WNT5B: variants seen among roughly 807,000 people sequenced by gnomAD.
WNT5B encodes Wnt family member 5B, also known as protein Wnt-5b.
WNT5B carries 18 observed loss-of-function variants against 36.5 expected under a neutral mutation model. The ratio of observed to expected loss-of-function variants is 0.49; its 90% confidence interval spans 0.34 to 0.73. The LOEUF (loss-of-function observed/expected upper bound fraction) is 0.73, where lower values mean the gene tolerates loss of function less well. WNT5B is among the 30% of genes least tolerant of loss of function. The pLI is 0.01. For missense variants in WNT5B, 424 were observed against 508.4 expected (o/e 0.83, Z 1.60); for synonymous variants, 213 against 212.3 (o/e 1.00, Z -0.03).
At chr12:1,645,238 T>G (rs748807631) in intron 4 of WNT5B, among the ~76,000 whole-genome samples, 32 of 152,162 alleles carry the variant, frequency 2.1e-4, no homozygotes, top group Non-Finnish European at 4.3e-4. Flanking sequence ...TTATTTTGTT[T>G]TGTTTTGCTT....
upstream of WNT5B, among the ~76,000 whole-genome samples, chr12:1,628,507 A>G (rs937697502): frequency 1.3e-5 from 2 of 152,146 alleles, no homozygotes; most frequent in Non-Finnish European, 2.9e-5. Flanking sequence ...ACCCTGGGGA[A>G]ATCTGTAGTT....
At chr12:1,631,024 A>G (rs2154439549) in intron 1 of WNT5B, 1 of 199,790 alleles carries the variant, frequency 5.0e-6, no homozygotes, top group East Asian at 1.1e-4. Context: ...CGCTCTTGAA[A>G]TTACTTGTTT....
At chr12:1,640,051 G>T in intron 4 of WNT5B, 75 bp downstream of exon 4, 1 of 1,506,450 alleles carries the variant, frequency 6.6e-7, no homozygotes. Flanking sequence ...ACCAGCCGTG[G>T]CCTGGCCTTC....
At chr12:1,638,864 TA>T (rs1366154103) in intron 3 of WNT5B, among the ~76,000 whole-genome samples, 1 of 152,184 alleles carries the variant, frequency 6.6e-6, no homozygotes, top group Non-Finnish European at 1.5e-5. Flanking sequence ...TCTAGCTAGA[TA>T]ATGGCAGCAG....
intron 3 of WNT5B, among the ~76,000 whole-genome samples, chr12:1,636,522 T>C (rs1220103326): frequency 2.9e-5 from 2 of 68,186 alleles, no homozygotes; most frequent in Non-Finnish European, 4.8e-5. Context: ...TATATATATA[T>C]ATATATATAT....
Position 1,632,323 on chromosome 12 carries a change from C to G in WNT5B, c.81-335C>G, listed in dbSNP as rs569405877. ...CCCTCGTCTTCTTATCTGCCTGACC[C>G]CCATTCTTAAGATCCAGTTCAAATT... On this transcript the variant is annotated intron_variant, in intron 2 of 4. Transcript: ENST00000397196. The surrounding 1 kb of genome is among the most constrained non-coding windows in gnomAD (Gnocchi z 5.8). 6.6e-6 allele frequency among the ~76,000 whole-genome samples: 1 copy of G among 152,266 alleles called. No homozygotes were observed. The highest frequency in any genetic ancestry group is 2.1e-4 in the South Asian group (1 of 4,820).
chr12:1,629,051 A>ATT (rs1286465048), upstream of WNT5B: 3 of 148,520 alleles, frequency 2.0e-5, no homozygotes, highest in African/African-American at 7.9e-5. Flanking sequence ...CAATTTTTAA[A>ATT]AAAAAAAACA....
rs182947740 is a variant in WNT5B at position 1,640,020 on chromosome 12, G to A, written c.621+44G>A. 49 of 1,568,804 alleles carry A rather than the reference G, an allele frequency of 3.1e-5. No homozygotes were observed. In the African/African-American group the frequency reaches 5.2e-4, roughly 17 times the overall value. On this transcript the variant is annotated intron_variant, in intron 4 of 4. Coordinates refer to ENST00000397196, the MANE Select transcript of WNT5B (RefSeq NM_032642.3). ...GCCTCCCCAGCACTGCAGACCTAGGGGGCTGTTCCCGGGCTGTGCCACCAG... is the reference window on the plus strand; with the variant it reads ...GCCTCCCCAGCACTGCAGACCTAGGAGGCTGTTCCCGGGCTGTGCCACCAG...
chr12:1,643,524 C>T (rs1319431071), intron 4 of WNT5B, among the ~76,000 whole-genome samples: 1 of 151,978 alleles, frequency 6.6e-6, no homozygotes, highest in African/African-American at 2.4e-5. Flanking sequence ...TGCCACCACG[C>T]CTGGGCTAAT....
At chr12:1,628,389 C>T (rs539295824), upstream of WNT5B, among the ~76,000 whole-genome samples, 4 of 152,282 alleles carry the variant, frequency 2.6e-5, no homozygotes, top group South Asian at 8.3e-4. Flanking sequence ...AACTCCTGAC[C>T]TCAGGTGATC....
chr12:1,634,517 A>C (rs1174744596), intron 3 of WNT5B, among the ~76,000 whole-genome samples: 33 of 152,226 alleles, frequency 2.2e-4, no homozygotes, highest in Admixed American at 2.2e-3. Flanking sequence ...TCAGATGTGC[A>C]CTAGGTGGCC....
rs184147972 is a variant in WNT5B, at chr12:1,623,959, A to C, written c.-58+6816A>C. 2.6e-5 allele frequency among the ~76,000 whole-genome samples: 4 copies of C among 152,248 alleles called. No individual in the cohort carries two copies. In the East Asian group the frequency reaches 7.7e-4, roughly 29 times the overall value. On this transcript the variant is annotated intron_variant, in intron 1 of 4. Coordinates refer to the WNT5B transcript ENST00000310594. ...GCCCACAAGGCTGTGTGTGTATCTA[A>C]GTGTGTGTATTAATACTAGTAACTT...
In WNT5B at chr12:1,618,323, C is replaced by G. The variant is rs967252856; in HGVS notation, c.-58+1180C>G. Reference sequence around the variant, plus strand: ...GCATAGAGAGAGGTTATCCACCTGCCCTTGGTGGTGATCCAGAAGTCCATT... The same window carrying G: ...GCATAGAGAGAGGTTATCCACCTGCGCTTGGTGGTGATCCAGAAGTCCATT... On this transcript the variant is annotated intron_variant, in intron 1 of 4. Coordinates refer to the WNT5B transcript ENST00000310594. This position sits in a 1 kb window ranked among gnomAD's most constrained non-coding sequence, Gnocchi z 4.1. Among the ~76,000 whole-genome samples the G allele has an allele frequency of 6.6e-6, 1 of 152,142 alleles. No individual in the cohort carries two copies. Among genetic ancestry groups the G allele is most frequent in the African/African-American group, 2.4e-5 (1 of 41,410 alleles).
intron 1 of WNT5B, chr12:1,617,181 G>T (rs1010174052): frequency 6.6e-6 from 1 of 151,948 alleles, no homozygotes; most frequent in African/African-American, 2.4e-5. Context: ...TAGTTTCTGG[G>T]GTGGAATTAC....
chr12:1,640,107 C>T, intron 4 of WNT5B, 131 bp downstream of exon 4: 1 of 1,074,496 alleles, frequency 9.3e-7, no homozygotes, highest in Non-Finnish European at 1.3e-6. Context: ...CCTACGATTG[C>T]AAATTTACAT....
rs777958024 is a variant in WNT5B at position 1,639,826 on chromosome 12, G to A, written c.471G>A (p.Leu157=). The A allele has an allele frequency of 1.2e-5, 19 of 1,613,600 alleles. No individual in the cohort carries two copies. The highest frequency in any genetic ancestry group is 1.6e-5 in the Non-Finnish European group (19 of 1,179,818). Residue 157 remains leucine (L), a synonymous_variant, in exon 4 of 5, where the codon CTG becomes CTA. Transcript: ENST00000397196. ...CCAAGGACCTGCCCCGGGACTGGCT[G>A]TGGGGCGGCTGTGGGGACAACGTGG... ...ARPKDLPRDW[L]WGGCGDNVEY...
At chr12:1,637,018 C>A (rs964154563) in intron 3 of WNT5B, among the ~76,000 whole-genome samples, 1 of 151,792 alleles carries the variant, frequency 6.6e-6, no homozygotes, top group African/African-American at 2.4e-5. Context: ...TAATTTTTTT[C>A]TTTTTTAATG....
chr12:1,622,732 C>T (rs2094535587), intron 1 of WNT5B, among the ~76,000 whole-genome samples: 1 of 152,208 alleles, frequency 6.6e-6, no homozygotes, highest in African/African-American at 2.4e-5. Flanking sequence ...CTATCCTATC[C>T]ACTGGGGAGA....
At chr12:1,620,991 G>GGGCCTGGC in intron 1 of WNT5B, among the ~76,000 whole-genome samples, 1 of 83,544 alleles carries the variant, frequency 1.2e-5, no homozygotes, top group Non-Finnish European at 2.4e-5. Flanking sequence ...GTGAGCCACC[G>GGGCCTGGC]CGCCCCACCC....
Sources: gnomAD v4.1 joint callset for allele counts (sites outside exome capture counted in the v4.1 genomes callset) on GRCh38, gnomAD v4.1.1 for gene constraint, Gnocchi (gnomAD v3.1) non-coding constraint, MANE v1.5 for transcripts, NCBI Gene and HGNC (gene_info 2026-07-23, HGNC 2026-07-21) for gene names.